Variants in APBB2 observed in about 807,000 individuals in gnomAD.
The protein encoded by APBB2 is Fe65-like 1.
APBB2 carries 38 observed loss-of-function variants against 82.5 expected under a neutral mutation model. That is an observed-to-expected ratio of 0.46 (90% CI 0.36 to 0.60). The LOEUF (loss-of-function observed/expected upper bound fraction) is 0.60, where lower values mean the gene tolerates loss of function less well. APBB2 is among the 20% of genes least tolerant of loss of function. The pLI is 0.00. For synonymous variants in APBB2, 341 were observed against 368.2 expected (o/e 0.93, Z 0.85); for missense variants, 772 against 972.3 (o/e 0.79, Z 2.74).
At chr4:40,931,947 C>T (rs974060283) in intron 10 of APBB2, among the ~76,000 whole-genome samples, 3 of 152,136 alleles carry the variant, frequency 2.0e-5, no homozygotes, top group Non-Finnish European at 4.4e-5. Context: ...CAAAGCTGAG[C>T]TTCCTTACTA....
chr4:40,908,890 CAG>C (rs1370351356), intron 10 of APBB2, among the ~76,000 whole-genome samples: 1 of 152,228 alleles, frequency 6.6e-6, no homozygotes, highest in Non-Finnish European at 1.5e-5. Context: ...CACCTGCTAA[CAG>C]ATCACTGGAG....
chr4:40,894,412 A>C (rs1168514204), intron 10 of APBB2, among the ~76,000 whole-genome samples: 1 of 151,460 alleles, frequency 6.6e-6, no homozygotes, highest in East Asian at 1.9e-4. Flanking sequence ...CAACCCTGTG[A>C]AATCTGTTAT....
chr4:41,105,835 C>G (rs1260565458), intron 2 of APBB2, among the ~76,000 whole-genome samples: 1 of 147,436 alleles, frequency 6.8e-6, no homozygotes, highest in East Asian at 2.0e-4. Context: ...GCGGTGAGCC[C>G]AGATAGCGCC....
chr4:40,910,247 T>A (rs1778193114), intron 10 of APBB2, among the ~76,000 whole-genome samples: 1 of 151,954 alleles, frequency 6.6e-6, no homozygotes, highest in African/African-American at 2.4e-5. Context: ...AGTCTTTTTT[T>A]TAATTTTTAG....
intron 6 of APBB2, among the ~76,000 whole-genome samples, chr4:40,946,243 A>AG (rs1788387016): frequency 6.6e-6 from 1 of 150,396 alleles, no homozygotes; most frequent in Non-Finnish European, 1.5e-5. Flanking sequence ...AAAAAAAAAA[A>AG]AAAAAAAAAA....
At chr4:41,070,132 G>A (rs2153899765) in intron 3 of APBB2, among the ~76,000 whole-genome samples, 1 of 152,270 alleles carries the variant, frequency 6.6e-6, no homozygotes, top group East Asian at 1.9e-4. Flanking sequence ...TGCTGGGGCA[G>A]TAAGATAAAT....
At chr4:40,922,863 C>T (rs193153109) in intron 10 of APBB2, among the ~76,000 whole-genome samples, 1 of 152,068 alleles carries the variant, frequency 6.6e-6, no homozygotes, top group Non-Finnish European at 1.5e-5. Flanking sequence ...AAGGATCCAC[C>T]CCGCTCGGCC....
At chr4:41,049,343 CGACCGG>C (rs1724894673) in intron 4 of APBB2, among the ~76,000 whole-genome samples, 3 of 87,104 alleles carry the variant, frequency 3.4e-5, no homozygotes, top group East Asian at 7.2e-4. Flanking sequence ...GGAGCGTCTC[CGACCGG>C]CAGCCGCCCC....
chr4:41,047,957 A>G (rs1475442346), intron 4 of APBB2, among the ~76,000 whole-genome samples: 1 of 152,132 alleles, frequency 6.6e-6, no homozygotes, highest in Non-Finnish European at 1.5e-5. Context: ...ACATTCTCTA[A>G]ATCTCTTTTA....
At chr4:40,936,863 T>C (rs1473083775) in intron 7 of APBB2, among the ~76,000 whole-genome samples, 1 of 152,180 alleles carries the variant, frequency 6.6e-6, no homozygotes, top group African/African-American at 2.4e-5. Flanking sequence ...ACCTGTTAGC[T>C]CGGAGGAGCT....
intron 10 of APBB2, among the ~76,000 whole-genome samples, chr4:40,911,841 T>G (rs1394256674): frequency 6.6e-6 from 1 of 152,150 alleles, no homozygotes; most frequent in Non-Finnish European, 1.5e-5. Context: ...ATTTCTTCTC[T>G]AGGTACCAGT....
chr4:40,869,634 A>G (rs1432671304), intron 12 of APBB2, among the ~76,000 whole-genome samples: 2 of 152,170 alleles, frequency 1.3e-5, no homozygotes, highest in Non-Finnish European at 2.9e-5. Context: ...AAATGTCTAA[A>G]GGGACCGCTC....
At chr4:40,920,837 C>T (rs1045891967) in intron 10 of APBB2, among the ~76,000 whole-genome samples, 4 of 152,186 alleles carry the variant, frequency 2.6e-5, no homozygotes, top group African/African-American at 2.4e-5. Context: ...CACCATTGCA[C>T]TCCAGCCTGG....
chr4:41,018,592 G>C (rs537616044), intron 5 of APBB2, among the ~76,000 whole-genome samples: 129 of 152,318 alleles, frequency 8.5e-4, no homozygotes, highest in African/African-American at 3.0e-3. Flanking sequence ...TTCTGAGTGT[G>C]TGTGTGTTGT....
intron 1 of APBB2, among the ~76,000 whole-genome samples, chr4:41,149,264 A>G (rs1013892831): frequency 9.2e-5 from 14 of 152,174 alleles, no homozygotes; most frequent in African/African-American, 3.1e-4. Flanking sequence ...TATTTCCTGT[A>G]GTCATTATTT....
rs1227454636 is a variant in APBB2, at chr4:41,072,428, G to A, written c.-148-6755C>T. ...CTCCTCTCCTTTGTCCTAAAGAGTTGCATCTCATTTCTGTTATAGTACCAA... is the reference window on the plus strand; with the variant it reads ...CTCCTCTCCTTTGTCCTAAAGAGTTACATCTCATTTCTGTTATAGTACCAA... On this transcript the variant is annotated intron_variant, in intron 3 of 17. Coordinates refer to ENST00000508593, the MANE Select transcript of APBB2 (RefSeq NM_004307.2). Among the ~76,000 whole-genome samples, 7 of 152,240 alleles carry A rather than the reference G, an allele frequency of 4.6e-5. No individual in the cohort carries two copies. The East Asian group carries it at 1.2e-3, about 25-fold the overall frequency.
In APBB2 at chr4:40,934,607, G is replaced by T. The variant is rs1416029415; in HGVS notation, c.1193+7C>A. On this transcript the variant is annotated splice_region_variant and intron_variant, in intron 9 of 17. Transcript: ENST00000508593. ...TTGACAGCAGGTCGATCCTACTAAT[G>T]TCCTACCTGAGTTTCAAAGATGCAT... The T allele has an allele frequency of 1.2e-6, 2 of 1,612,974 alleles. No individual in the cohort carries two copies. The highest frequency in any genetic ancestry group is 1.1e-5 in the South Asian group (1 of 91,042).
At chr4:40,956,897 ACATGGAGG>A (rs1305264228) in intron 6 of APBB2, among the ~76,000 whole-genome samples, 2 of 152,186 alleles carry the variant, frequency 1.3e-5, no homozygotes, top group Non-Finnish European at 2.9e-5. Context: ...TAATTTAAAC[ACATGGAGG>A]CATAGTCTCT....
At chr4:41,156,515 GTGTTT>G (rs1208916911) in intron 1 of APBB2, among the ~76,000 whole-genome samples, 2 of 152,114 alleles carry the variant, frequency 1.3e-5, no homozygotes, top group South Asian at 2.1e-4. Flanking sequence ...ACATTTAGCA[GTGTTT>G]TGTTTTATTT....
Sources: gnomAD v4.1 joint callset for allele counts (sites outside exome capture counted in the v4.1 genomes callset) on GRCh38, gnomAD v4.1.1 for gene constraint, MANE v1.5 for transcripts, NCBI Gene and HGNC (gene_info 2026-07-23, HGNC 2026-07-21) for gene names.